Variants in REST observed in about 807,000 individuals in gnomAD.
REST encodes RE1-silencing transcription factor.
A neutral mutation model predicts 30.4 loss-of-function variants in REST; 1 was observed. That is an observed-to-expected ratio of 0.03 (90% CI 0.01 to 0.16). The LOEUF (loss-of-function observed/expected upper bound fraction) is 0.16, where lower values mean the gene tolerates loss of function less well. Ranked by LOEUF, REST falls within the 10% of genes least tolerant of loss-of-function variation. REST has a pLI of 1.00. For missense variants in REST, 1,259 were observed against 1,329.5 expected, an observed-to-expected ratio of 0.95 and a Z score of 0.82; for synonymous variants, 504 against 451.1, an observed-to-expected ratio of 1.12 and a Z score of -1.49.
At chr4:56,921,312 AC>A (rs1397293278) in intron 3 of REST, among the ~76,000 whole-genome samples, 8 of 152,228 alleles carry the variant, frequency 5.3e-5, no homozygotes, top group Non-Finnish European at 1.0e-4. Context: ...TTGAGTAGCC[AC>A]TAGCCACATG....
Position 56,932,079 on chromosome 4 carries a change from A to C in REST, c.3221A>C (p.Asp1074Ala). The change falls in exon 4 of 4, where the codon GAT becomes GCT. Residue 1074 changes from aspartate (D) to alanine (A), a missense_variant. Around this residue, in one of 5 missense-constraint regions of REST, gnomAD observed 25 missense variants for 33.2 expected, o/e 0.75. Coordinates refer to ENST00000309042, the MANE Select transcript of REST (RefSeq NM_005612.5). Reference sequence around the variant, plus strand: ...GATCGTTCTTTCAGAAAGGGAAAAGATTACAGCAAACACCTCAATCGCCAT... The same window carrying C: ...GATCGTTCTTTCAGAAAGGGAAAAGCTTACAGCAAACACCTCAATCGCCAT... ...FCDRSFRKGK[D>A]YSKHLNRHLV... The C allele has an allele frequency of 6.2e-7, 1 of 1,614,260 alleles. No individual in the cohort carries two copies. The highest frequency in any genetic ancestry group is 8.5e-7 in the Non-Finnish European group (1 of 1,180,054).
At chr4:56,926,375 T>A (rs1013811728) in intron 3 of REST, among the ~76,000 whole-genome samples, 2 of 147,936 alleles carry the variant, frequency 1.4e-5, no homozygotes, top group African/African-American at 2.5e-5. Context: ...GCCCAGCCTT[T>A]TTTATTTATT....
At chr4:56,924,618 TG>T (rs1404560223) in intron 3 of REST, among the ~76,000 whole-genome samples, 1 of 124,708 alleles carries the variant, frequency 8.0e-6, no homozygotes, top group Non-Finnish European at 1.8e-5. Flanking sequence ...CTACCATGCC[TG>T]TTTTTTTTTT....
intron 3 of REST, 35 bp from the exon 4 acceptor site, chr4:56,929,802 TAATC>T (rs762154391): frequency 6.5e-7 from 1 of 1,545,596 alleles, no homozygotes; most frequent in Admixed American, 2.2e-5. Context: ...GAATTTGTCT[TAATC>T]TATGTCTTCT....
chr4:56,907,962 G>C lies in REST; in HGVS notation c.-261G>C. ...GCCGCGAGCTCGCGGCGCAGCAGCG[G>C]AGCGAGCGCCGCCGAGGCCCGGGGC... On this transcript the variant is annotated 5_prime_UTR_variant, in exon 1 of 4. Transcript: ENST00000309042. 2.9e-6 allele frequency: 1 copy of C among 349,946 alleles called. No individual in the cohort carries two copies. The highest frequency in any genetic ancestry group is 4.1e-5 in the East Asian group (1 of 24,492). The allele number at this position is 349,946 out of a possible 1,614,324, so 21.7% of individuals were successfully genotyped here. A position where few individuals can be genotyped will look rare whatever the true frequency, so the allele number is the denominator to read the frequency against.
chr4:56,930,719 G>T lies in REST; in HGVS notation c.1861G>T (p.Val621Phe), dbSNP rs1720921014. The T allele has an allele frequency of 6.2e-7, 1 of 1,603,876 alleles. No individual in the cohort carries two copies. Among genetic ancestry groups the T allele is most frequent in the Non-Finnish European group, 8.5e-7 (1 of 1,177,516 alleles). ...PQMGPAPTEAVQKGPVQVEPP... is the reference protein window; with the variant it reads ...PQMGPAPTEAFQKGPVQVEPP... ...GATGGGGCCTGCTCCCACAGAGGCGGTTCAGAAGGGGCCCGTTCAGGTGGA... is the reference window on the plus strand; with the variant it reads ...GATGGGGCCTGCTCCCACAGAGGCGTTTCAGAAGGGGCCCGTTCAGGTGGA... The change falls in exon 4 of 4, where the codon GTT (valine) becomes TTT (phenylalanine). Residue 621 changes from valine to phenylalanine, a missense_variant. Val to Phe is a conservative substitution (Grantham distance 50). Coordinates refer to ENST00000309042, the MANE Select transcript of REST (RefSeq NM_005612.5).
At chr4:56,908,951 G>C (rs1487600788) in intron 1 of REST, 2 of 151,582 alleles carry the variant, frequency 1.3e-5, no homozygotes, top group African/African-American at 4.8e-5. Flanking sequence ...GGCGCCCGCG[G>C]AGCCTCCCCG....
At chr4:56,920,032 C>G (rs1214215831) in intron 3 of REST, 162 bp downstream of exon 3, 1 of 409,690 alleles carries the variant, frequency 2.4e-6, no homozygotes. Flanking sequence ...GGATTCCTAA[C>G]ATGGAATCCA....
rs1332485202 is a variant in REST at position 56,935,157 on chromosome 4, A to T, written c.*3005A>T. 2 of 152,170 alleles carry T rather than the reference A, an allele frequency of 1.3e-5. No individual in the cohort carries two copies. Among genetic ancestry groups the T allele is most frequent in the African/African-American group, 4.8e-5 (2 of 41,434 alleles). 9.4% of individuals were successfully genotyped at this position (152,170 alleles called of 1,614,324 possible). A position where few individuals can be genotyped will look rare whatever the true frequency, so the allele number is the denominator to read the frequency against. On this transcript the variant is annotated 3_prime_UTR_variant, in exon 4 of 4. Transcript: ENST00000309042. ...TGTTTTGCGTATGAGTGCTGATACAAATTAAAACCCAAGTAGACCTCATTG... is the reference window on the plus strand; with the variant it reads ...TGTTTTGCGTATGAGTGCTGATACATATTAAAACCCAAGTAGACCTCATTG...
At position 56,931,211 on chromosome 4, in the gene REST, A is replaced by G. The variant is rs543071771; in HGVS notation, c.2353A>G (p.Met785Val). The change falls in exon 4 of 4, where the codon ATG becomes GTG. Residue 785 changes from methionine (M) to valine (V), a missense_variant. Coordinates refer to ENST00000309042, the MANE Select transcript of REST (RefSeq NM_005612.5). ...EPVQMELSPP[M>V]GVVQKEPAQR... Reference sequence around the variant, plus strand: ...TGTTCAGATGGAGTTGTCTCCTCCCATGGGGGTGGTTCAGAAGGAGCCTGC... The same window carrying G: ...TGTTCAGATGGAGTTGTCTCCTCCCGTGGGGGTGGTTCAGAAGGAGCCTGC... 1.5e-5 allele frequency: 25 copies of G among 1,614,100 alleles called. No individual in the cohort carries two copies. The South Asian group carries it at 2.5e-4, about 16-fold the overall frequency.
At position 56,930,274 on chromosome 4, in the gene REST, T is replaced by A; in HGVS notation, c.1416T>A (p.Asp472Glu). 1 of 1,612,734 alleles carries A rather than the reference T, an allele frequency of 6.2e-7. No individual in the cohort carries two copies. The highest frequency in any genetic ancestry group is 8.5e-7 in the Non-Finnish European group (1 of 1,179,784). The change falls in exon 4 of 4, where the codon GAT (aspartate) becomes GAA (glutamate). Residue 472 changes from aspartate to glutamate, a missense_variant. Physicochemically the swap from Asp to Glu is conservative, Grantham distance 45. Transcript: ENST00000309042. ...AGTCCGTCAAAGCAGAGAAAAGAGA[T>A]GTCTCAAAAGAGAAAAAGCCTTCTA... ...NEKSVKAEKR[D>E]VSKEKKPSNN...
In REST at chr4:56,932,497, C is replaced by T. The variant is rs763635931; in HGVS notation, c.*345C>T. 18 of 169,462 alleles carry T rather than the reference C, an allele frequency of 1.1e-4. No individual in the cohort carries two copies. Among genetic ancestry groups the T allele is most frequent in the East Asian group, 1.6e-4 (1 of 6,118 alleles). 10.5% of individuals were successfully genotyped at this position (169,462 alleles called of 1,614,324 possible). ...TCCTGTTTCACTTTAGTTTATTCTTCGTTTTTTATTGAGATCTATAAAAAA... is the reference window on the plus strand; with the variant it reads ...TCCTGTTTCACTTTAGTTTATTCTTTGTTTTTTATTGAGATCTATAAAAAA... On this transcript the variant is annotated 3_prime_UTR_variant, in exon 4 of 4. Transcript: ENST00000309042.
intron 1 of REST, 31 bp from the exon 2 acceptor site, chr4:56,910,599 G>A: frequency 1.3e-6 from 2 of 1,547,170 alleles, no homozygotes; most frequent in South Asian, 1.2e-5. Context: ...GTTTAAACTG[G>A]TGCTCTTGTT....
In REST at chr4:56,931,636, G is replaced by A. The variant is rs112212899; in HGVS notation, c.2778G>A (p.Leu926=). ...ATATTTCATCCTCTGGACAAAACTT[G>A]AATACGCCAGAGGGTGAAACTTTAA... is the stretch of plus-strand genomic sequence containing the variant. The part of the protein sequence containing the change: ...STHISSSGQN[L]NTPEGETLNG... Residue 926 remains leucine (L), a synonymous_variant, in exon 4 of 4, where the codon TTG becomes TTA. Transcript: ENST00000309042. The A allele has an allele frequency of 5.2e-5, 84 of 1,614,220 alleles. 2 individuals are homozygous for A. In the African/African-American group the frequency reaches 6.5e-4, roughly 13 times the overall value.
At chr4:56,922,019 A>G (rs1425524656) in intron 3 of REST, among the ~76,000 whole-genome samples, 10 of 152,168 alleles carry the variant, frequency 6.6e-5, no homozygotes, top group Admixed American at 6.5e-4. Context: ...TTGAACAGCT[A>G]TGAAGGTGTC....
intron 2 of REST, among the ~76,000 whole-genome samples, chr4:56,917,419 G>C (rs1018833671): frequency 6.6e-6 from 1 of 152,094 alleles, no homozygotes; most frequent in Non-Finnish European, 1.5e-5. Flanking sequence ...CGGCCTTCTG[G>C]GCTCAAATGA....
At chr4:56,914,368 C>T (rs191775733) in intron 2 of REST, among the ~76,000 whole-genome samples, 1 of 152,194 alleles carries the variant, frequency 6.6e-6, no homozygotes, top group Admixed American at 6.6e-5. Context: ...TTGCTAAGCC[C>T]CAGCAGATGG....
intron 2 of REST, among the ~76,000 whole-genome samples, chr4:56,914,919 T>A (rs201522836): frequency 0.044 from 4,105 of 93,408 alleles, 242 homozygotes; most frequent in African/African-American, 0.15. Flanking sequence ...TTTTTTTTTT[T>A]AACTTTTTTT....
At position 56,910,761 on chromosome 4, in the gene REST, G is replaced by C. The variant is rs745484435; in HGVS notation, c.123G>C (p.Leu41=). The C allele has an allele frequency of 5.0e-6, 8 of 1,614,194 alleles. No homozygotes were observed. Among genetic ancestry groups the C allele is most frequent in the Non-Finnish European group, 6.8e-6 (8 of 1,180,038 alleles). Reference sequence around the variant, plus strand: ...TGCATGACCTTTCCAAAGCTGAACTGGCCGCACCTCAGCTTATTATGCTGG... The same window carrying C: ...TGCATGACCTTTCCAAAGCTGAACTCGCCGCACCTCAGCTTATTATGCTGG... ...YDLHDLSKAE[L]AAPQLIMLAN... Residue 41 remains leucine (L), a synonymous_variant, in exon 2 of 4, where the codon CTG becomes CTC. Transcript: ENST00000309042.
Sources: gnomAD v4.1 joint callset for allele counts (sites outside exome capture counted in the v4.1 genomes callset) on GRCh38, gnomAD v4.1.1 for gene constraint, gnomAD v4.1.1 regional missense constraint, MANE v1.5 for transcripts, NCBI Gene and HGNC (gene_info 2026-07-23, HGNC 2026-07-21) for gene names.